MAGI2: variants seen among roughly 807,000 people sequenced by gnomAD.
MAGI2 encodes membrane-associated guanylate kinase, WW and PDZ domain-containing protein 2.
In MAGI2, 35 loss-of-function variants were observed where a neutral mutation model predicts 133.3. That is an observed-to-expected ratio of 0.26 (90% CI 0.20 to 0.35). The LOEUF is 0.35. Among genes scored for constraint, MAGI2 ranks in the 10% least tolerant of loss-of-function variants. The probability of loss-of-function intolerance (pLI) is 1.00; values close to 1 mark genes in which losing one functional copy is unlikely to be tolerated. For synonymous variants in MAGI2, 729 were observed against 710.6 expected, an observed-to-expected ratio of 1.03 and a Z score of -0.41; for missense variants, 1,636 against 1,863.4, an observed-to-expected ratio of 0.88 and a Z score of 2.25.
chr7:79,274,382 G>A (rs111260084), intron 1 of MAGI2, among the ~76,000 whole-genome samples: 7,126 of 151,784 alleles, frequency 0.047, 237 homozygotes, highest in South Asian at 0.086. Flanking sequence ...AGACTAGAGG[G>A]GGCTATCCTG....
At chr7:78,563,697 A>G (rs573632962) in intron 3 of MAGI2, among the ~76,000 whole-genome samples, 2 of 152,346 alleles carry the variant, frequency 1.3e-5, no homozygotes, top group South Asian at 4.1e-4. Context: ...CTTCAAAGAC[A>G]AAATGCCCAT....
At chr7:78,517,184 G>T (rs1444806449) in intron 4 of MAGI2, among the ~76,000 whole-genome samples, 2 of 152,058 alleles carry the variant, frequency 1.3e-5, no homozygotes, top group Non-Finnish European at 2.9e-5. Flanking sequence ...TAATGTTAAG[G>T]TTTCCGGGGG....
chr7:78,808,498 C>T (rs1037813564), intron 2 of MAGI2, among the ~76,000 whole-genome samples: 4 of 152,282 alleles, frequency 2.6e-5, no homozygotes, highest in African/African-American at 9.6e-5. Context: ...CCTCGTGATC[C>T]GCCCGCCTCG....
rs1401704110 is a variant in MAGI2 at position 78,659,983 on chromosome 7, G to A, written c.419-32744C>T. 2.0e-5 allele frequency among the ~76,000 whole-genome samples: 3 copies of A among 152,174 alleles called. No homozygotes were observed. The East Asian group carries it at 5.8e-4, about 29-fold the overall frequency. On this transcript the variant is annotated intron_variant, in intron 2 of 21. Coordinates refer to ENST00000354212, the MANE Select transcript of MAGI2 (RefSeq NM_012301.4). ...TTCGTGTCCTTTTAGGGGCATGGAT[G>A]AAGCTGGAAACCATCATTCTCAGCA...
chr7:78,716,596 A>T (rs1819725566), intron 2 of MAGI2, among the ~76,000 whole-genome samples: 1 of 152,222 alleles, frequency 6.6e-6, no homozygotes, highest in African/African-American at 2.4e-5. Context: ...TTTTTACAAA[A>T]TCTTTCTCAT....
chr7:78,764,942 C>T (rs551831357), intron 2 of MAGI2, among the ~76,000 whole-genome samples: 7 of 152,226 alleles, frequency 4.6e-5, no homozygotes, highest in South Asian at 2.1e-4. Flanking sequence ...TAGCCATCTT[C>T]GGATGAGACC....
intron 2 of MAGI2, among the ~76,000 whole-genome samples, chr7:78,723,193 A>G (rs1387483949): frequency 1.3e-5 from 2 of 152,222 alleles, no homozygotes; most frequent in African/African-American, 4.8e-5. Context: ...TTCAAAACAA[A>G]AGAAAAATGT....
At chr7:78,435,910 GA>G (rs1800239350) in intron 6 of MAGI2, among the ~76,000 whole-genome samples, 1 of 152,156 alleles carries the variant, frequency 6.6e-6, no homozygotes, top group Non-Finnish European at 1.5e-5. Context: ...ACAGACAGAT[GA>G]AAATGTACTT....
intron 2 of MAGI2, among the ~76,000 whole-genome samples, chr7:78,887,173 C>T (rs1021827717): frequency 3.3e-5 from 5 of 152,248 alleles, no homozygotes; most frequent in Non-Finnish European, 7.3e-5. Flanking sequence ...TGGACTAATA[C>T]ACATGGTGAC....
intron 1 of MAGI2, among the ~76,000 whole-genome samples, chr7:79,171,770 A>ATATATATATATATTTTTTTTTTTT: frequency 9.6e-5 from 3 of 31,218 alleles, no homozygotes; most frequent in African/African-American, 1.3e-4. Flanking sequence ...ATATATATAT[A>ATATATATATATATTTTTTTTTTTT]TTTTTTTTTT....
At chr7:78,502,774 G>A (rs1794737018) in intron 4 of MAGI2, among the ~76,000 whole-genome samples, 1 of 152,030 alleles carries the variant, frequency 6.6e-6, no homozygotes, top group African/African-American at 2.4e-5. Flanking sequence ...TAACAGAAGT[G>A]GTAACAGGCT....
At chr7:78,544,886 T>TGAC (rs1798693529) in intron 3 of MAGI2, among the ~76,000 whole-genome samples, 2 of 151,476 alleles carry the variant, frequency 1.3e-5, no homozygotes, top group African/African-American at 2.4e-5. Flanking sequence ...ACAAAAAACC[T>TGAC]GACTTCAGGT....
chr7:78,461,203 A>C (rs949547459), intron 6 of MAGI2, among the ~76,000 whole-genome samples: 2 of 152,124 alleles, frequency 1.3e-5, no homozygotes, highest in African/African-American at 2.4e-5. Flanking sequence ...GTTTGCGAAG[A>C]GGTGGACATA....
intron 10 of MAGI2, among the ~76,000 whole-genome samples, chr7:78,249,118 A>G (rs1792108649): frequency 6.6e-6 from 1 of 152,196 alleles, no homozygotes; most frequent in Non-Finnish European, 1.5e-5. Flanking sequence ...AAAATTGCTC[A>G]CCATCACTAA....
chr7:78,845,234 T>C (rs755219334), intron 2 of MAGI2, among the ~76,000 whole-genome samples: 4 of 151,960 alleles, frequency 2.6e-5, no homozygotes, highest in Non-Finnish European at 5.9e-5. Context: ...TCAAATACAG[T>C]ATGAAAGCAA....
At chr7:79,283,155 C>T (rs117698752) in intron 1 of MAGI2, among the ~76,000 whole-genome samples, 7,711 of 152,052 alleles carry the variant, frequency 0.051, 252 homozygotes, top group Non-Finnish European at 0.082. Flanking sequence ...GGATTATGTT[C>T]CCTCAGGGTT....
chr7:78,530,260 G>T (rs1282526463), intron 3 of MAGI2, among the ~76,000 whole-genome samples: 2 of 152,120 alleles, frequency 1.3e-5, no homozygotes, highest in African/African-American at 2.4e-5. Context: ...TTGTTTGATT[G>T]CTTTGGTCCA....
intron 20 of MAGI2, among the ~76,000 whole-genome samples, chr7:78,117,045 T>G (rs532736072): frequency 6.6e-6 from 1 of 150,774 alleles, no homozygotes; most frequent in South Asian, 2.1e-4. Flanking sequence ...AACTTTCACA[T>G]GAAGAAAACA....
intron 3 of MAGI2, among the ~76,000 whole-genome samples, chr7:78,548,194 A>C (rs1382600592): frequency 1.3e-5 from 2 of 152,212 alleles, no homozygotes; most frequent in East Asian, 3.8e-4. Context: ...AGTTTTCAAC[A>C]TTTCTAACGT....
Sources: gnomAD v4.1 joint callset for allele counts (sites outside exome capture counted in the v4.1 genomes callset) on GRCh38, gnomAD v4.1.1 for gene constraint, MANE v1.5 for transcripts, NCBI Gene and HGNC (gene_info 2026-07-23, HGNC 2026-07-21) for gene names.